SYT16: variants seen among roughly 807,000 people sequenced by gnomAD.
SYT16 encodes the protein synaptotagmin-16.
A neutral mutation model predicts 61.4 loss-of-function variants in SYT16; 42 were observed. The ratio of observed to expected loss-of-function variants is 0.68; its 90% CI spans 0.53 to 0.89. The LOEUF is 0.89. Ranked by LOEUF, SYT16 falls within the 40% of genes least tolerant of loss-of-function variation. SYT16 has a pLI of 0.00. For missense variants in SYT16, 804 were observed against 807.3 expected, an observed-to-expected ratio of 1.00 and a Z score of 0.05; for synonymous variants, 314 against 302.3, an observed-to-expected ratio of 1.04 and a Z score of -0.40.
chr14:61,814,526 C>T (rs1212685586), intron 1 of SYT16, among the ~76,000 whole-genome samples: 3 of 152,158 alleles, frequency 2.0e-5, no homozygotes, highest in Admixed American at 6.5e-5. Flanking sequence ...GAGATGCTTC[C>T]ATACCAATTT....
intron 1 of SYT16, among the ~76,000 whole-genome samples, chr14:61,865,699 A>G (rs75355831): frequency 0.072 from 10,979 of 152,278 alleles, 507 homozygotes; most frequent in Non-Finnish European, 0.1. Context: ...AGTTTTAAAA[A>G]TTGTTATATA....
At chr14:61,918,649 A>AAT (rs2049210868) in intron 1 of SYT16, among the ~76,000 whole-genome samples, 1 of 152,196 alleles carries the variant, frequency 6.6e-6, no homozygotes, top group Admixed American at 6.6e-5. Flanking sequence ...TTAAAAATAA[A>AAT]ATACATGAAT....
At position 61,952,009 on chromosome 14, in the gene SYT16, G is replaced by A. The variant is rs530246196; in HGVS notation, c.-324-18123G>A. Among the ~76,000 whole-genome samples the A allele has an allele frequency of 5.9e-5, 9 of 152,098 alleles. No homozygotes were observed. The South Asian group carries it at 1.2e-3, about 21-fold the overall frequency. The stretch of plus-strand genomic sequence containing the variant: ...TCGCCATGTTGCCCAGGCTGGTTTC[G>A]AACTCCTGGGCTCAAGCGTCCTTCT... On this transcript the variant is annotated intron_variant, in intron 1 of 7. Coordinates refer to ENST00000683842, the MANE Select transcript of SYT16 (RefSeq NM_001367656.1).
chr14:61,962,692 T>A (rs1338794349), intron 1 of SYT16, among the ~76,000 whole-genome samples: 1 of 152,116 alleles, frequency 6.6e-6, no homozygotes, highest in Non-Finnish European at 1.5e-5. Context: ...TCTTTACTCT[T>A]TTCATTCTTT....
At chr14:62,092,306 A>G (rs2057114649) in intron 7 of SYT16, among the ~76,000 whole-genome samples, 1 of 151,986 alleles carries the variant, frequency 6.6e-6, no homozygotes, top group Non-Finnish European at 1.5e-5. Flanking sequence ...TACAGCTCCT[A>G]TGGAAAACAG....
chr14:62,030,783 G>C (rs547454842), intron 3 of SYT16, among the ~76,000 whole-genome samples: 1 of 152,324 alleles, frequency 6.6e-6, no homozygotes, highest in African/African-American at 2.4e-5. Flanking sequence ...TGGATTTTCA[G>C]ACAGTGGCCT....
At chr14:62,080,749 A>C in intron 5 of SYT16, 85 bp from the exon 6 acceptor site, 2 of 1,350,712 alleles carry the variant, frequency 1.5e-6, no homozygotes, top group Non-Finnish European at 2.0e-6. Context: ...AGGGATTCTG[A>C]AGGAGCACAA....
chr14:62,099,992 T>C (rs1032816293), intron 7 of SYT16, among the ~76,000 whole-genome samples: 1 of 152,144 alleles, frequency 6.6e-6, no homozygotes, highest in African/African-American at 2.4e-5. Flanking sequence ...AGGCATAAAA[T>C]AGCAATTTGA....
intron 3 of SYT16, among the ~76,000 whole-genome samples, chr14:62,051,803 A>C (rs769385157): frequency 1.6e-4 from 24 of 152,200 alleles, no homozygotes; most frequent in Non-Finnish European, 2.6e-4. Flanking sequence ...AGGCCAAGGC[A>C]GGTGGATCAC....
chr14:61,820,469 GTTTTTTTTTTTT>G (rs71117856), intron 1 of SYT16, among the ~76,000 whole-genome samples: 12 of 61,084 alleles, frequency 2.0e-4, no homozygotes, highest in East Asian at 1.2e-3. Flanking sequence ...CCTCTTCAGA[GTTTTTTTTTTTT>G]TTTTTTTTTT....
chr14:61,944,543 C>A (rs2050341298), intron 1 of SYT16, among the ~76,000 whole-genome samples: 1 of 152,090 alleles, frequency 6.6e-6, no homozygotes, highest in African/African-American at 2.4e-5. Flanking sequence ...GAGATATAGA[C>A]CAATGGAACA....
intron 3 of SYT16, among the ~76,000 whole-genome samples, chr14:62,064,334 GAAAAAAAAA>G (rs781727444): frequency 4.7e-5 from 2 of 42,986 alleles, no homozygotes; most frequent in African/African-American, 1.7e-4. Context: ...CTTTAAATTT[GAAAAAAAAA>G]AAAAAAAAAA....
intron 3 of SYT16, among the ~76,000 whole-genome samples, chr14:62,058,233 T>G (rs538085450): frequency 1.3e-5 from 2 of 152,294 alleles, no homozygotes; most frequent in African/African-American, 4.8e-5. Context: ...GAAGCTTCTA[T>G]GAACATTTGT....
chr14:61,930,468 A>G (rs1481579712), intron 1 of SYT16, among the ~76,000 whole-genome samples: 2 of 151,774 alleles, frequency 1.3e-5, no homozygotes, highest in African/African-American at 4.8e-5. Context: ...AGAAGTTTCA[A>G]CCTTAACATC....
chr14:62,095,776 A>G (rs937766709), intron 7 of SYT16, among the ~76,000 whole-genome samples: 4 of 151,850 alleles, frequency 2.6e-5, no homozygotes, highest in African/African-American at 9.7e-5. Context: ...TTTGTTTTTT[A>G]CAGAGCTTGG....
chr14:62,016,691 T>C (rs1333822287), intron 3 of SYT16, among the ~76,000 whole-genome samples: 1 of 152,050 alleles, frequency 6.6e-6, no homozygotes, highest in East Asian at 1.9e-4. Context: ...CCAGCCTGGG[T>C]GACAGAACTA....
intron 1 of SYT16, among the ~76,000 whole-genome samples, chr14:61,948,196 A>T (rs909602617): frequency 2.6e-5 from 4 of 152,048 alleles, no homozygotes; most frequent in Non-Finnish European, 5.9e-5. Flanking sequence ...AGTAGAATGG[A>T]TTGGAGTTGT....
At chr14:61,884,801 T>C (rs972946361) in intron 1 of SYT16, among the ~76,000 whole-genome samples, 2 of 152,156 alleles carry the variant, frequency 1.3e-5, no homozygotes, top group African/African-American at 4.8e-5. Flanking sequence ...ATCTGTTATG[T>C]TGATTGGGGG....
In SYT16 at chr14:62,100,508, AG is replaced by A; in HGVS notation, c.1741del (p.Val581TrpfsTer11). The A allele has an allele frequency of 6.2e-7, 1 of 1,613,750 alleles. No individual in the cohort carries two copies. Among genetic ancestry groups the A allele is most frequent in the Non-Finnish European group, 8.5e-7 (1 of 1,179,828 alleles). ...NPVYKETFVF[Q>X]VALFQLSDVT... ...GTCTATAAGGAGACCTTTGTTTTCC[AG>A]GTGGCCCTCTTTCAGCTGTCTGATG... is the stretch of plus-strand genomic sequence containing the variant. On this transcript the variant is annotated frameshift_variant, in exon 8 of 8. Transcript: ENST00000683842. LOFTEE classifies it high-confidence loss of function.
Sources: allele counts gnomAD v4.1 joint callset (sites outside exome capture counted in the v4.1 genomes callset), GRCh38; gene constraint gnomAD v4.1.1; transcripts MANE v1.5; gene names NCBI Gene and HGNC (gene_info 2026-07-23, HGNC 2026-07-21).